The following COL8A1 variants were observed in gnomAD, a reference collection of about 807,000 sequenced individuals.
The protein encoded by COL8A1 is collagen type VIII alpha 1 chain, also known as collagen alpha-1(VIII) chain.
A neutral mutation model predicts 42.7 loss-of-function variants in COL8A1; 21 were observed. That is an observed-to-expected ratio of 0.49 (90% CI 0.35 to 0.71). The LOEUF (loss-of-function observed/expected upper bound fraction) is 0.71, where lower values mean the gene tolerates loss of function less well. Ranked by LOEUF, COL8A1 falls within the 30% of genes least tolerant of loss-of-function variation. The pLI is 0.01. For synonymous variants in COL8A1, 367 were observed against 369.1 expected (o/e 0.99, Z 0.06); for missense variants, 788 against 962.4 (o/e 0.82, Z 2.40).
Position 99,707,867 on chromosome 3 carries a change from T to A in COL8A1, c.-128-37030T>A, listed in dbSNP as rs187125213. ...AGAGCCTTACATTTCATTCAAGTAA[T>A]CCCACCAATAACCCCATGAGACAGA... On this transcript the variant is annotated intron_variant, in intron 1 of 3. Transcript: ENST00000652472. 1.7e-3 allele frequency among the ~76,000 whole-genome samples: 264 copies of A among 152,254 alleles called. 1 individual carries two copies. The highest frequency in any genetic ancestry group is 2.6e-3 in the Non-Finnish European group (179 of 68,008).
At chr3:99,707,598 T>G (rs1939717034) in intron 1 of COL8A1, among the ~76,000 whole-genome samples, 1 of 152,186 alleles carries the variant, frequency 6.6e-6, no homozygotes. Flanking sequence ...TTTTGGTCCC[T>G]ATTCGCTAGG....
intron 1 of COL8A1, among the ~76,000 whole-genome samples, chr3:99,738,025 T>C (rs1178843606): frequency 1.3e-5 from 2 of 152,196 alleles, no homozygotes; most frequent in Non-Finnish European, 2.9e-5. Flanking sequence ...CATCGGCTCC[T>C]GAGGCTTCTG....
At chr3:99,700,619 T>C (rs1939510001) in intron 1 of COL8A1, among the ~76,000 whole-genome samples, 1 of 152,224 alleles carries the variant, frequency 6.6e-6, no homozygotes, top group Non-Finnish European at 1.5e-5. Flanking sequence ...AGAAAACTCC[T>C]AATTCTGCCA....
intron 3 of COL8A1, among the ~76,000 whole-genome samples, chr3:99,792,978 T>C (rs1467287018): frequency 6.6e-6 from 1 of 152,194 alleles, no homozygotes; most frequent in Non-Finnish European, 1.5e-5. Flanking sequence ...AGAGGAAATA[T>C]CTTGGCCATA....
At chr3:99,702,492 T>C (rs749749490) in intron 1 of COL8A1, among the ~76,000 whole-genome samples, 2 of 152,168 alleles carry the variant, frequency 1.3e-5, no homozygotes, top group Non-Finnish European at 2.9e-5. Context: ...TAAATAAAGA[T>C]AAGTTATCAT....
At chr3:99,722,592 C>T (rs928849648) in intron 1 of COL8A1, among the ~76,000 whole-genome samples, 1 of 152,074 alleles carries the variant, frequency 6.6e-6, no homozygotes, top group South Asian at 2.1e-4. Context: ...AATAGCTGCT[C>T]TTTTTGGCCA....
chr3:99,681,542 G>T (rs1938882835), intron 1 of COL8A1, among the ~76,000 whole-genome samples: 1 of 152,162 alleles, frequency 6.6e-6, no homozygotes, highest in South Asian at 2.1e-4. Context: ...ATTTAGTCTA[G>T]AAACAAAAAC....
intron 3 of COL8A1, among the ~76,000 whole-genome samples, chr3:99,791,516 T>C (rs1347235639): frequency 6.6e-6 from 1 of 152,252 alleles, no homozygotes; most frequent in Non-Finnish European, 1.5e-5. Context: ...TAATTACATA[T>C]GTCAATCAAT....
At chr3:99,655,465 T>A (rs1937988133) in intron 1 of COL8A1, among the ~76,000 whole-genome samples, 1 of 152,226 alleles carries the variant, frequency 6.6e-6, no homozygotes, top group Admixed American at 6.5e-5. Context: ...GTCCCAGGGA[T>A]GACCCTGAAA....
chr3:99,726,624 A>G (rs1028220444), intron 1 of COL8A1, among the ~76,000 whole-genome samples: 3 of 152,078 alleles, frequency 2.0e-5, no homozygotes, highest in South Asian at 4.1e-4. Flanking sequence ...TCAGCTTTCT[A>G]CCTATGGCTA....
intron 2 of COL8A1, among the ~76,000 whole-genome samples, chr3:99,787,845 C>T (rs1314930864): frequency 7.2e-6 from 1 of 137,940 alleles, no homozygotes; most frequent in Non-Finnish European, 1.5e-5. Context: ...TGCTTATGTT[C>T]AAGAACACAA....
chr3:99,785,564 G>T (rs772898703), intron 2 of COL8A1, among the ~76,000 whole-genome samples: 1 of 152,170 alleles, frequency 6.6e-6, no homozygotes, highest in African/African-American at 2.4e-5. Flanking sequence ...GGGCTGAGTT[G>T]CATCCCCCAG....
chr3:99,793,324 A>G (rs1362110285), intron 3 of COL8A1, among the ~76,000 whole-genome samples: 6 of 152,224 alleles, frequency 3.9e-5, no homozygotes, highest in Admixed American at 2.0e-4. Flanking sequence ...TGATAGATAT[A>G]TTTAGCTTGA....
intron 1 of COL8A1, among the ~76,000 whole-genome samples, chr3:99,703,923 GT>G (rs1422341312): frequency 1.3e-5 from 2 of 151,732 alleles, no homozygotes; most frequent in Non-Finnish European, 1.5e-5. Context: ...CTCATCTATG[GT>G]TTTTTTTAAT....
intron 1 of COL8A1, among the ~76,000 whole-genome samples, chr3:99,649,637 AG>A (rs1421253484): frequency 6.6e-6 from 1 of 152,214 alleles, no homozygotes; most frequent in African/African-American, 2.4e-5. Flanking sequence ...TGATTTCTTT[AG>A]GACTTCATGA....
chr3:99,723,967 G>A lies in COL8A1; in HGVS notation c.-128-20930G>A, dbSNP rs1231491048. ...TTTGCTGTACTTCTCTGCTTATACA[G>A]CTGTGTGTCTGTTTACCCCATTGTG... On this transcript the variant is annotated intron_variant, in intron 1 of 3. Coordinates refer to ENST00000652472, the MANE Select transcript of COL8A1 (RefSeq NM_020351.4). Among the ~76,000 whole-genome samples, 3 of 152,032 alleles carry A rather than the reference G, an allele frequency of 2.0e-5. No homozygotes were observed. In the East Asian group the frequency reaches 5.8e-4, roughly 29 times the overall value.
chr3:99,643,521 T>G (rs1036595043), intron 1 of COL8A1, among the ~76,000 whole-genome samples: 1 of 152,224 alleles, frequency 6.6e-6, no homozygotes, highest in Non-Finnish European at 1.5e-5. Flanking sequence ...AAATATAGTC[T>G]ATAAAACTAC....
chr3:99,786,931 G>A (rs1576476625), intron 2 of COL8A1, among the ~76,000 whole-genome samples: 1 of 152,250 alleles, frequency 6.6e-6, no homozygotes, highest in East Asian at 1.9e-4. Flanking sequence ...GCAAATCTGA[G>A]GGTCTTGAGA....
chr3:99,796,257 T>A lies in COL8A1; in HGVS notation c.*121T>A. 1.2e-6 allele frequency: 1 copy of A among 820,726 alleles called. No individual in the cohort carries two copies. The highest frequency in any genetic ancestry group is 1.8e-6 in the Non-Finnish European group (1 of 561,716). 50.8% of individuals were successfully genotyped at this position (820,726 alleles called of 1,614,324 possible). ...ACTTACACAGTTGGAAAGTTATATG[T>A]AAGTGAAAATTTGGACCATTGTGTA... On this transcript the variant is annotated 3_prime_UTR_variant, in exon 4 of 4. Coordinates refer to ENST00000652472, the MANE Select transcript of COL8A1 (RefSeq NM_020351.4).
Sources: allele counts gnomAD v4.1 joint callset (sites outside exome capture counted in the v4.1 genomes callset), GRCh38; gene constraint gnomAD v4.1.1; transcripts MANE v1.5; gene names NCBI Gene and HGNC (gene_info 2026-07-23, HGNC 2026-07-21).